The following ATXN2 variants were observed in gnomAD, a reference collection of about 807,000 sequenced individuals.
The protein encoded by ATXN2 is ataxin 2, also known as ataxin-2.
In ATXN2, 37 loss-of-function variants were observed where a neutral mutation model predicts 138.6. The observed-to-expected ratio is 0.27, with a 90% CI of 0.21 to 0.35. ATXN2 has a LOEUF of 0.35. Ranked by LOEUF, ATXN2 falls within the 10% of genes least tolerant of loss-of-function variation. The pLI, the probability that ATXN2 is intolerant of heterozygous loss-of-function variation, is 1.00. For missense variants in ATXN2, 1,216 were observed against 1,480.3 expected (o/e 0.82, Z 2.93); for synonymous variants, 549 against 543.7 (o/e 1.01, Z -0.13).
chr12:111,552,291 T>C lies in ATXN2; in HGVS notation c.560A>G (p.Tyr187Cys). 1 of 1,598,294 alleles carries C rather than the reference T, an allele frequency of 6.3e-7. No homozygotes were observed. The highest frequency in any genetic ancestry group is 8.5e-7 in the Non-Finnish European group (1 of 1,175,224). ...AAATCAAAACCCACCTCTTTTTGCATAACTGGAGTCCATATCTTTAAACTG... is the reference window on the plus strand; with the variant it reads ...AAATCAAAACCCACCTCTTTTTGCACAACTGGAGTCCATATCTTTAAACTG... ...VVQFKDMDSS[Y>C]AKRDAFTDSA... Residue 187 changes from tyrosine (Y) to cysteine (C), a missense_variant, in exon 5 of 25, where the codon TAT becomes TGT. Coordinates refer to ENST00000673436, the MANE Select transcript of ATXN2 (RefSeq NM_001372574.1). This position sits in a 1 kb window ranked among gnomAD's most constrained non-coding sequence, Gnocchi z 4.1.
At chr12:111,523,002 C>T (rs948099406) in intron 6 of ATXN2, among the ~76,000 whole-genome samples, 13 of 151,924 alleles carry the variant, frequency 8.6e-5, no homozygotes, top group African/African-American at 3.1e-4. Context: ...ATTTCATGGC[C>T]AGGTGCGGTG....
intron 5 of ATXN2, among the ~76,000 whole-genome samples, chr12:111,548,822 G>A (rs946209217): frequency 2.6e-5 from 4 of 152,110 alleles, no homozygotes; most frequent in Non-Finnish European, 5.9e-5. Context: ...GGGTTCAAGC[G>A]ATTCTTCTGC....
At position 111,456,068 on chromosome 12, in the gene ATXN2, C is replaced by T. The variant is rs752905800; in HGVS notation, c.3231G>A (p.Pro1077=). ...VFTIHPSHVQ[P]AYTNPPHMAH... is the part of the protein sequence containing the mutation. ...CCATGTGGGGTGGGTTGGTATACGC[C>T]GGCTGAACGTGAGAAGGATGGATCG... is the stretch of plus-strand genomic sequence containing the variant. The change falls in exon 23 of 25, where the codon CCG becomes CCA. Residue 1077 remains proline (P), a synonymous_variant. Coordinates refer to ENST00000673436, the MANE Select transcript of ATXN2 (RefSeq NM_001372574.1). 55 of 1,614,056 alleles carry T rather than the reference C, an allele frequency of 3.4e-5. No individual in the cohort carries two copies. The highest frequency in any genetic ancestry group is 4.5e-5 in the Non-Finnish European group (53 of 1,180,042).
intron 1 of ATXN2, among the ~76,000 whole-genome samples, chr12:111,584,080 T>C (rs1422417176): frequency 6.9e-6 from 1 of 145,950 alleles, no homozygotes; most frequent in African/African-American, 2.8e-5. Context: ...CAATAAAAAA[T>C]TACTTAAAAA....
At chr12:111,508,363 G>A (rs553766948) in intron 14 of ATXN2, among the ~76,000 whole-genome samples, 3 of 151,866 alleles carry the variant, frequency 2.0e-5, no homozygotes, top group African/African-American at 7.2e-5. Context: ...TTACTAAGCT[G>A]GGTAGTGGGC....
chr12:111,583,423 G>C (rs1458575452), intron 1 of ATXN2, among the ~76,000 whole-genome samples: 1 of 152,038 alleles, frequency 6.6e-6, no homozygotes, highest in African/African-American at 2.4e-5. Flanking sequence ...AATCAATAGT[G>C]AACAAAACAA....
intron 14 of ATXN2, among the ~76,000 whole-genome samples, chr12:111,494,432 T>G (rs1878271885): frequency 1.3e-5 from 2 of 150,948 alleles, no homozygotes; most frequent in South Asian, 4.2e-4. Context: ...TCTCTTTTTT[T>G]TTTTTTTTTT....
chr12:111,504,592 C>G (rs1878988410), intron 14 of ATXN2, among the ~76,000 whole-genome samples: 2 of 152,124 alleles, frequency 1.3e-5, no homozygotes, highest in African/African-American at 4.8e-5. Flanking sequence ...TGTGCCTGGC[C>G]AAGAATAGTC....
chr12:111,584,739 G>A lies in ATXN2; in HGVS notation c.251+14045C>T, dbSNP rs922315317. 3.3e-5 allele frequency among the ~76,000 whole-genome samples: 5 copies of A among 152,050 alleles called. No homozygotes were observed. The East Asian group carries it at 9.6e-4, about 29-fold the overall frequency. On this transcript the variant is annotated intron_variant, in intron 1 of 24. Transcript: ENST00000673436. ...CCAGCACTTTGGGAGGCCGAGGCAA[G>A]TGGATCACCTGAGGTCAGGAGTTCA...
Position 111,598,090 on chromosome 12 carries a change from TGGAGCCCCACGATTTCAGGGGAGTTCG to T in ATXN2, c.251+667_251+693del. The stretch of plus-strand genomic sequence containing the variant: ...GGGTGGAACGCTGCCGGAGGCCACA[TGGAGCCCCACGATTTCAGGGGAGTTCG>T]GGAGCCCCCGCCGCCGCCTCGGACA... On this transcript the variant is annotated intron_variant, in intron 1 of 24. Coordinates refer to ENST00000673436, the MANE Select transcript of ATXN2 (RefSeq NM_001372574.1). This position sits in a 1 kb window ranked among gnomAD's most constrained non-coding sequence, Gnocchi z 4.5. 8.8e-7 allele frequency: 1 copy of T among 1,135,180 alleles called. No homozygotes were observed. Among genetic ancestry groups the T allele is most frequent in the Non-Finnish European group, 1.1e-6 (1 of 911,512 alleles). 70.3% of individuals were successfully genotyped at this position (1,135,180 alleles called of 1,614,324 possible).
At chr12:111,576,824 G>A (rs1305924412) in intron 1 of ATXN2, among the ~76,000 whole-genome samples, 3 of 151,736 alleles carry the variant, frequency 2.0e-5, no homozygotes, top group Non-Finnish European at 4.4e-5. Flanking sequence ...CAGGCATGGT[G>A]GCGGGCTCCT....
rs76696028 is a variant in ATXN2, at chr12:111,598,978, T to C, written c.57A>G (p.Gln19=). The C allele has an allele frequency of 0.044, 53,924 of 1,222,094 alleles. 2,798 individuals carry two copies. The highest frequency in any genetic ancestry group is 0.34 in the African/African-American group (20,345 of 59,812). 75.7% of individuals were successfully genotyped at this position (1,222,094 alleles called of 1,614,324 possible). ...QQQQQQQQQQ[Q]QQQQQQQQQP... is the part of the protein sequence containing the mutation. ...GCTGCTGCTGCTGCTGCTGCTGCTG[T>C]TGCTGCTGCTGCTGCTGCTGCTGCT... Residue 19 remains glutamine (Q), a synonymous_variant, in exon 1 of 25, where the codon CAA becomes CAG. Coordinates refer to ENST00000673436, the MANE Select transcript of ATXN2 (RefSeq NM_001372574.1). This position sits in a 1 kb window ranked among gnomAD's most constrained non-coding sequence, Gnocchi z 4.5.
intron 18 of ATXN2, among the ~76,000 whole-genome samples, chr12:111,482,343 T>C (rs1237063053): frequency 6.6e-6 from 1 of 151,952 alleles, no homozygotes; most frequent in Non-Finnish European, 1.5e-5. Flanking sequence ...TATAGGCACC[T>C]GCCACCACGC....
intron 18 of ATXN2, among the ~76,000 whole-genome samples, chr12:111,482,364 G>A (rs7976462): frequency 6.6e-6 from 1 of 151,310 alleles, no homozygotes; most frequent in South Asian, 2.1e-4. Flanking sequence ...TCAGCTAATT[G>A]TTTGTATTTT....
intron 14 of ATXN2, among the ~76,000 whole-genome samples, chr12:111,493,474 AAC>A (rs1219494032): frequency 6.6e-6 from 1 of 151,822 alleles, no homozygotes; most frequent in African/African-American, 2.4e-5. Context: ...GATGTTAACA[AAC>A]AATAATAAAT....
At chr12:111,476,803 T>C (rs1194039690) in intron 18 of ATXN2, among the ~76,000 whole-genome samples, 1 of 152,184 alleles carries the variant, frequency 6.6e-6, no homozygotes. Context: ...AAGATATTTC[T>C]CCCAGAACTG....
chr12:111,499,580 AG>A (rs1878623486), intron 14 of ATXN2, among the ~76,000 whole-genome samples: 1 of 151,816 alleles, frequency 6.6e-6, no homozygotes, highest in African/African-American at 2.4e-5. Flanking sequence ...GGCAGGAGGC[AG>A]GAGAATTGCT....
Position 111,456,240 on chromosome 12 carries a change from G to A in ATXN2, c.3059C>T (p.Ala1020Val), listed in dbSNP as rs1430945585. 5.0e-6 allele frequency: 8 copies of A among 1,614,240 alleles called. No homozygotes were observed. Among genetic ancestry groups the A allele is most frequent in the Non-Finnish European group, 6.8e-6 (8 of 1,180,032 alleles). ...PSPVQHHQHQ[A>V]AQALHLASPQ... is the part of the protein sequence containing the mutation. The stretch of plus-strand genomic sequence containing the variant: ...ACTGGCCAGATGGAGAGCCTGGGCG[G>A]CCTGGTGCTGATGGTGCTGCAAAGC... Residue 1020 changes from alanine to valine, a missense_variant, in exon 23 of 25, where the codon GCC becomes GTC. Coordinates refer to ENST00000673436, the MANE Select transcript of ATXN2 (RefSeq NM_001372574.1).
chr12:111,586,219 CTTT>C (rs112320110), intron 1 of ATXN2, among the ~76,000 whole-genome samples: 3 of 139,656 alleles, frequency 2.1e-5, no homozygotes, highest in Non-Finnish European at 4.7e-5. Context: ...GTCTTCCAAA[CTTT>C]TTTTTTTTTT....
Sources: gnomAD v4.1 joint callset for allele counts (sites outside exome capture counted in the v4.1 genomes callset) on GRCh38, gnomAD v4.1.1 for gene constraint, Gnocchi (gnomAD v3.1) non-coding constraint, MANE v1.5 for transcripts, NCBI Gene and HGNC (gene_info 2026-07-23, HGNC 2026-07-21) for gene names.